Variants in TRIM23 observed in about 807,000 individuals in gnomAD.
The protein encoded by TRIM23 is tripartite motif containing 23, also known as E3 ubiquitin-protein ligase TRIM23.
Under a neutral mutation model 71.0 loss-of-function variants are expected in TRIM23, and 27 were observed. The ratio of observed to expected loss-of-function variants is 0.38; its 90% CI spans 0.28 to 0.52. TRIM23 has a LOEUF of 0.52. TRIM23 is among the 20% of genes least tolerant of loss of function. The pLI is 0.84. For missense variants in TRIM23, 482 were observed against 692.3 expected, an observed-to-expected ratio of 0.70 and a Z score of 3.41; for synonymous variants, 234 against 238.0, an observed-to-expected ratio of 0.98 and a Z score of 0.16.
intron 1 of TRIM23, among the ~76,000 whole-genome samples, chr5:65,620,608 G>A (rs921902727): frequency 1.3e-5 from 2 of 151,852 alleles, no homozygotes; most frequent in South Asian, 2.1e-4. Flanking sequence ...TTGTATAAGC[G>A]TATTGTCTTC....
chr5:65,603,154 G>C (rs1202624647), intron 7 of TRIM23, among the ~76,000 whole-genome samples: 2 of 152,146 alleles, frequency 1.3e-5, no homozygotes, highest in Admixed American at 1.3e-4. Flanking sequence ...ACCGATGAGA[G>C]GGGGCAGAGG....
intron 5 of TRIM23, among the ~76,000 whole-genome samples, chr5:65,610,085 T>A (rs1313803974): frequency 2.0e-5 from 3 of 152,208 alleles, no homozygotes; most frequent in African/African-American, 7.2e-5. Flanking sequence ...AAGACCTATC[T>A]ATTCTACTTA....
intron 1 of TRIM23, among the ~76,000 whole-genome samples, chr5:65,622,003 TA>T (rs1337667608): frequency 2.0e-5 from 3 of 151,812 alleles, no homozygotes; most frequent in Non-Finnish European, 4.4e-5. Context: ...AATTTTTTTT[TA>T]TTATTATTTG....
chr5:65,591,352 A>C lies in TRIM23; in HGVS notation c.*417T>G, dbSNP rs910888406. The C allele has an allele frequency of 1.0e-5, 15 of 1,484,840 alleles. No homozygotes were observed. The highest frequency in any genetic ancestry group is 1.5e-5 in the African/African-American group (1 of 68,048). 92.0% of individuals were successfully genotyped at this position (1,484,840 alleles called of 1,614,324 possible). ...CAACATTCAGTGAAAAGGCAGGTTAAAAGAAGCAGCTATACTTCACTTGCT... is the reference window on the plus strand; with the variant it reads ...CAACATTCAGTGAAAAGGCAGGTTACAAGAAGCAGCTATACTTCACTTGCT... On this transcript the variant is annotated 3_prime_UTR_variant, in exon 11 of 11. Coordinates refer to ENST00000231524, the MANE Select transcript of TRIM23 (RefSeq NM_001656.4).
rs1193460641 is a variant in TRIM23, at chr5:65,611,051, A to C, written c.646-8T>G. ...TGGTTCCAATACTGAATGCTATAAA[A>C]TGTACCATAATTAGAGAAAAGAACT... On this transcript the variant is annotated splice_polypyrimidine_tract_variant and splice_region_variant and intron_variant, in intron 4 of 10. Transcript: ENST00000231524. 1 of 1,600,192 alleles carries C rather than the reference A, an allele frequency of 6.2e-7. No individual in the cohort carries two copies.
chr5:65,615,754 A>T (rs1754761767), intron 2 of TRIM23, among the ~76,000 whole-genome samples: 1 of 152,270 alleles, frequency 6.6e-6, no homozygotes, highest in African/African-American at 2.4e-5. Flanking sequence ...TAATGAATAT[A>T]TACAAATAAA....
At chr5:65,620,897 G>A (rs1181938837) in intron 1 of TRIM23, among the ~76,000 whole-genome samples, 18 of 141,270 alleles carry the variant, frequency 1.3e-4, no homozygotes, top group South Asian at 2.4e-4. Flanking sequence ...GCAACACAGC[G>A]AGACCCTGTC....
chr5:65,590,486 C>A lies in TRIM23; in HGVS notation c.*1283G>T. 8.3e-7 allele frequency: 1 copy of A among 1,210,968 alleles called. No homozygotes were observed. Among genetic ancestry groups the A allele is most frequent in the South Asian group, 3.6e-5 (1 of 28,020 alleles). The allele number at this position is 1,210,968 out of a possible 1,614,324, so 75.0% of individuals were successfully genotyped here. ...ACATCTTGTTACCAGACATCACTGT[C>A]CTTACAACAATTCAACTAATAAGAT... is the stretch of plus-strand genomic sequence containing the variant. On this transcript the variant is annotated 3_prime_UTR_variant, in exon 11 of 11. Transcript: ENST00000231524.
At chr5:65,614,270 T>C (rs1754727317) in intron 2 of TRIM23, 51 bp from the exon 3 acceptor site, 4 of 1,543,910 alleles carry the variant, frequency 2.6e-6, no homozygotes, top group Admixed American at 1.7e-5. Context: ...GGACTATTAA[T>C]CATTTTACCC....
chr5:65,593,364 G>T (rs1240838742), intron 10 of TRIM23, among the ~76,000 whole-genome samples: 2 of 152,146 alleles, frequency 1.3e-5, no homozygotes, highest in Admixed American at 6.6e-5. Flanking sequence ...GAACCTAGGA[G>T]GGGGAGGTTG....
At chr5:65,619,257 A>G (rs1754855152) in intron 1 of TRIM23, among the ~76,000 whole-genome samples, 1 of 152,160 alleles carries the variant, frequency 6.6e-6, no homozygotes, top group South Asian at 2.1e-4. Flanking sequence ...TCATGCTAAC[A>G]CTGAGGAAAG....
At chr5:65,604,582 G>C (rs1460897151) in intron 7 of TRIM23, 1 of 170,432 alleles carries the variant, frequency 5.9e-6, no homozygotes, top group Non-Finnish European at 1.2e-5. Flanking sequence ...TGCTCAAGTG[G>C]GTGATGGATA....
chr5:65,593,003 T>C (rs1449365734), intron 10 of TRIM23, among the ~76,000 whole-genome samples: 2 of 152,216 alleles, frequency 1.3e-5, no homozygotes, highest in Admixed American at 6.5e-5. Context: ...CATACATTTA[T>C]GTATATTTGC....
At chr5:65,624,053 G>C (rs1007442007) in intron 1 of TRIM23, 141 bp downstream of exon 1, 4 of 879,036 alleles carry the variant, frequency 4.6e-6, no homozygotes, top group Non-Finnish European at 7.1e-6. Flanking sequence ...CAGAGGACAG[G>C]ACGAGACTTG....
At chr5:65,608,659 G>A (rs577415533) in intron 6 of TRIM23, among the ~76,000 whole-genome samples, 2 of 152,308 alleles carry the variant, frequency 1.3e-5, no homozygotes, top group South Asian at 4.1e-4. Flanking sequence ...GGGTAAAGCT[G>A]ACATTTGTGT....
chr5:65,590,726 A>G lies in TRIM23; in HGVS notation c.*1043T>C. 1.0e-6 allele frequency: 1 copy of G among 985,434 alleles called. No homozygotes were observed. The highest frequency in any genetic ancestry group is 1.2e-6 in the Non-Finnish European group (1 of 829,972). The allele number at this position is 985,434 out of a possible 1,614,324, so 61.0% of individuals were successfully genotyped here. A position where few individuals can be genotyped will look rare whatever the true frequency, so the allele number is the denominator to read the frequency against. On this transcript the variant is annotated 3_prime_UTR_variant, in exon 11 of 11. Transcript: ENST00000231524. ...CATTTTTCCTCTAGAGTAACTTTTCAAGGCCTTCTCATGAACAGCCTTAAG... is the reference window on the plus strand; with the variant it reads ...CATTTTTCCTCTAGAGTAACTTTTCGAGGCCTTCTCATGAACAGCCTTAAG...
At chr5:65,606,499 A>G (rs1165452846) in intron 6 of TRIM23, among the ~76,000 whole-genome samples, 1 of 150,540 alleles carries the variant, frequency 6.6e-6, no homozygotes, top group African/African-American at 2.4e-5. Flanking sequence ...TGAAGTCCTT[A>G]TAATGCCTCA....
intron 7 of TRIM23, among the ~76,000 whole-genome samples, chr5:65,599,063 C>T (rs1754288486): frequency 6.6e-6 from 1 of 151,944 alleles, no homozygotes; most frequent in East Asian, 1.9e-4. Flanking sequence ...AGAAGATGCC[C>T]ACAGAGCAAT....
chr5:65,620,821 A>G (rs1393973127), intron 1 of TRIM23, among the ~76,000 whole-genome samples: 1 of 152,182 alleles, frequency 6.6e-6, no homozygotes, highest in East Asian at 1.9e-4. Context: ...CACACCTGTA[A>G]TCACAGCACT....
Sources: allele counts gnomAD v4.1 joint callset (sites outside exome capture counted in the v4.1 genomes callset), GRCh38; gene constraint gnomAD v4.1.1; transcripts MANE v1.5; gene names NCBI Gene and HGNC (gene_info 2026-07-23, HGNC 2026-07-21).